The following MAPK10 variants were observed in gnomAD, a reference collection of about 807,000 sequenced individuals.
MAPK10 encodes the protein JNK3 alpha protein kinase.
MAPK10 carries 25 observed loss-of-function variants against 59.3 expected under a neutral mutation model. The ratio of observed to expected loss-of-function variants is 0.42; its 90% CI spans 0.31 to 0.59. The LOEUF is 0.59. Among genes scored for constraint, MAPK10 ranks in the 20% least tolerant of loss-of-function variants. MAPK10 has a pLI of 0.15. For synonymous variants in MAPK10, 190 were observed against 200.5 expected (o/e 0.95, Z 0.44); for missense variants, 351 against 568.9 (o/e 0.62, Z 3.90).
At chr4:86,038,412 A>C (rs555398082) in intron 11 of MAPK10, among the ~76,000 whole-genome samples, 28 of 152,330 alleles carry the variant, frequency 1.8e-4, no homozygotes, top group African/African-American at 6.7e-4. Context: ...GATGATTGTC[A>C]AAAGATGCAT....
intron 9 of MAPK10, among the ~76,000 whole-genome samples, chr4:86,092,648 A>C (rs2053472065): frequency 6.6e-6 from 1 of 151,876 alleles, no homozygotes; most frequent in African/African-American, 2.4e-5. Flanking sequence ...TTGCTAATGA[A>C]GTTAAGAATA....
chr4:86,054,145 C>T (rs1433135387), intron 11 of MAPK10, among the ~76,000 whole-genome samples: 1 of 152,188 alleles, frequency 6.6e-6, no homozygotes, highest in African/African-American at 2.4e-5. Context: ...ACCTGAGAAT[C>T]TTGGATTCAG....
intron 2 of MAPK10, among the ~76,000 whole-genome samples, chr4:86,210,065 A>C (rs1177694082): frequency 1.3e-5 from 2 of 152,090 alleles, no homozygotes; most frequent in African/African-American, 4.8e-5. Flanking sequence ...AGAAAACTGG[A>C]TATCTATATG....
In MAPK10 at chr4:86,177,104, T is replaced by C. The variant is rs1490776346; in HGVS notation, c.66+17232A>G. Among the ~76,000 whole-genome samples, 5 of 152,094 alleles carry C rather than the reference T, an allele frequency of 3.3e-5. No homozygotes were observed. The East Asian group carries it at 9.6e-4, about 29-fold the overall frequency. ...AATAGTTTTTTTAAAAAGGGATATA[T>C]AGGTTCATATCTCAAAACCACAGCC... On this transcript the variant is annotated intron_variant, in intron 3 of 13. Transcript: ENST00000641462.
intron 13 of MAPK10, 24 bp downstream of exon 13, chr4:86,029,173 T>G (rs374414729): frequency 1.3e-5 from 20 of 1,511,052 alleles, no homozygotes; most frequent in Non-Finnish European, 1.7e-5. Context: ...ACTAGTTTAT[T>G]GGTTATTCAC....
chr4:86,522,617 T>C (rs1280452087), intron 1 of MAPK10, among the ~76,000 whole-genome samples: 1 of 152,232 alleles, frequency 6.6e-6, no homozygotes, highest in Non-Finnish European at 1.5e-5. Flanking sequence ...GGCTGTGCTC[T>C]TATTTCGTTG....
At chr4:86,351,251 A>T (rs1304609830) in intron 2 of MAPK10, among the ~76,000 whole-genome samples, 1 of 151,892 alleles carries the variant, frequency 6.6e-6, no homozygotes, top group African/African-American at 2.4e-5. Context: ...CAATATCTGT[A>T]TTTTATATAT....
rs1407087865 is a variant in MAPK10, at chr4:86,375,752, AAAG to A, written c.-121-21111_-121-21109del. Among the ~76,000 whole-genome samples the A allele has an allele frequency of 1.5e-3, 218 of 150,292 alleles. 2 individuals carry two copies. The highest frequency in any genetic ancestry group is 0.013 in the Admixed American group (190 of 14,974). ...AAAAAAAAAAAAAAAAATTAAATGG[AAAG>A]AAGATTCTGTTTCTAATAAATATAA... On this transcript the variant is annotated intron_variant, in intron 1 of 13. Coordinates refer to the MAPK10 transcript ENST00000361569.
At chr4:86,406,864 A>C (rs1744430087) in intron 1 of MAPK10, among the ~76,000 whole-genome samples, 1 of 152,224 alleles carries the variant, frequency 6.6e-6, no homozygotes, top group Non-Finnish European at 1.5e-5. Context: ...GAAAACTGCA[A>C]CCACTTACGA....
chr4:86,075,760 T>A (rs1178176160), intron 9 of MAPK10, among the ~76,000 whole-genome samples: 1 of 152,124 alleles, frequency 6.6e-6, no homozygotes, highest in Non-Finnish European at 1.5e-5. Context: ...TTCTCAGATC[T>A]CCAGCTGCGT....
chr4:86,591,549 T>C (rs1171556086), intron 1 of MAPK10, among the ~76,000 whole-genome samples: 2 of 152,002 alleles, frequency 1.3e-5, no homozygotes, highest in Non-Finnish European at 2.9e-5. Flanking sequence ...AACTTTTTTA[T>C]TGTTTGTAGA....
chr4:86,222,597 A>G (rs2089875870), intron 2 of MAPK10, among the ~76,000 whole-genome samples: 1 of 152,236 alleles, frequency 6.6e-6, no homozygotes, highest in Non-Finnish European at 1.5e-5. Context: ...TTCATAATAC[A>G]GTACAGCTTG....
Position 86,379,512 on chromosome 4 carries a change from G to A in MAPK10, c.-121-24868C>T, listed in dbSNP as rs187397819. ...GTGACATGTTTGTGATGGCCATGAC[G>A]CCCACGCTGGAAGGTTGTGGGTTTA... On this transcript the variant is annotated intron_variant, in intron 1 of 13. Transcript: ENST00000361569. Among the ~76,000 whole-genome samples, 185 of 152,208 alleles carry A rather than the reference G, an allele frequency of 1.2e-3. 1 individual carries two copies. Among genetic ancestry groups the A allele is most frequent in the East Asian group, 7.7e-4 (4 of 5,164 alleles).
At chr4:86,439,884 G>GA (rs1221480537) in intron 1 of MAPK10, among the ~76,000 whole-genome samples, 1 of 151,644 alleles carries the variant, frequency 6.6e-6, no homozygotes, top group Non-Finnish European at 1.5e-5. Flanking sequence ...TTTAATCCAA[G>GA]AAAAAAAATC....
At chr4:86,250,044 G>A (rs2093333766) in intron 2 of MAPK10, among the ~76,000 whole-genome samples, 1 of 152,154 alleles carries the variant, frequency 6.6e-6, no homozygotes, top group African/African-American at 2.4e-5. Flanking sequence ...AGAGTATCTA[G>A]AAATAATATC....
intron 1 of MAPK10, among the ~76,000 whole-genome samples, chr4:86,399,144 T>C (rs1270203061): frequency 6.6e-6 from 1 of 152,218 alleles, no homozygotes; most frequent in Admixed American, 6.5e-5. Flanking sequence ...CTGGGTTAAA[T>C]AGTAGTTCTG....
At chr4:86,293,966 T>C (rs926383020) in intron 2 of MAPK10, among the ~76,000 whole-genome samples, 1 of 152,162 alleles carries the variant, frequency 6.6e-6, no homozygotes, top group Non-Finnish European at 1.5e-5. Context: ...CCGCTCTGCC[T>C]GAGGACTTTT....
intron 1 of MAPK10, among the ~76,000 whole-genome samples, chr4:86,506,087 A>G (rs557916234): frequency 2.0e-5 from 3 of 152,282 alleles, no homozygotes; most frequent in African/African-American, 4.8e-5. Flanking sequence ...CCCAAGAACT[A>G]TTCTATACAG....
intron 4 of MAPK10, among the ~76,000 whole-genome samples, chr4:86,157,347 A>T (rs1422245022): frequency 1.3e-5 from 2 of 152,014 alleles, no homozygotes; most frequent in African/African-American, 4.8e-5. Context: ...ACATGCGGTG[A>T]CACATGGACA....
Sources: gnomAD v4.1 joint callset for allele counts (sites outside exome capture counted in the v4.1 genomes callset) on GRCh38, gnomAD v4.1.1 for gene constraint, MANE v1.5 for transcripts, NCBI Gene and HGNC (gene_info 2026-07-23, HGNC 2026-07-21) for gene names.